The following HTRA3 variants were observed in gnomAD, a reference collection of about 807,000 sequenced individuals.
The protein encoded by HTRA3 is HtrA serine peptidase 3.
HTRA3 carries 41 observed loss-of-function variants against 43.2 expected under a neutral mutation model. That is an observed-to-expected ratio of 0.95 (90% CI 0.74 to 1.23). The LOEUF is 1.23. Ranked by LOEUF, HTRA3 falls within the 50% of genes most tolerant of loss-of-function variation. The pLI is 0.00. For synonymous variants in HTRA3, 295 were observed against 287.9 expected (o/e 1.02, Z -0.25); for missense variants, 628 against 647.1 (o/e 0.97, Z 0.32).
intron 2 of HTRA3, among the ~76,000 whole-genome samples, chr4:8,283,870 C>G (rs1393971223): frequency 1.3e-5 from 2 of 152,156 alleles, no homozygotes; most frequent in Non-Finnish European, 2.9e-5. Flanking sequence ...TGGGGAGATC[C>G]CAGGAGTGAT....
rs145157596 is a variant in HTRA3, at chr4:8,297,740, C to A, written c.1051+3539C>A. 5.1e-3 allele frequency among the ~76,000 whole-genome samples: 779 copies of A among 152,204 alleles called. 5 individuals are homozygous for A. The highest frequency in any genetic ancestry group is 0.018 in the African/African-American group (737 of 41,532). Reference sequence around the variant, plus strand: ...CAGGTCCTGTCGAGGATCCCACCCCCTGGATTTAGAAGCCACCTAGAGAGT... The same window carrying A: ...CAGGTCCTGTCGAGGATCCCACCCCATGGATTTAGAAGCCACCTAGAGAGT... On this transcript the variant is annotated intron_variant, in intron 6 of 8. Coordinates refer to ENST00000307358, the MANE Select transcript of HTRA3 (RefSeq NM_053044.5). The surrounding 1 kb of genome is among the most constrained non-coding windows in gnomAD (Gnocchi z 5.8).
At chr4:8,278,067 CG>C in intron 1 of HTRA3, among the ~76,000 whole-genome samples, 1 of 152,306 alleles carries the variant, frequency 6.6e-6, no homozygotes, top group East Asian at 1.9e-4. Context: ...CCTGGAGTTA[CG>C]CAGTGTACAA....
intron 6 of HTRA3, among the ~76,000 whole-genome samples, chr4:8,300,914 CTTTA>C (rs368331473): frequency 5.1e-4 from 77 of 151,522 alleles, no homozygotes; most frequent in African/African-American, 1.8e-3. Context: ...ACACTCTCAG[CTTTA>C]TTATTGATCC....
chr4:8,306,087 G>A lies in HTRA3; in HGVS notation c.1313G>A (p.Arg438Gln), dbSNP rs369124292. 2.3e-5 allele frequency: 37 copies of A among 1,609,048 alleles called. No individual in the cohort carries two copies. In the African/African-American group the frequency reaches 2.4e-4, roughly 10 times the overall value. The change falls in exon 9 of 9, where the codon CGG (arginine) becomes CAG (glutamine). Residue 438 changes from arginine (R) to glutamine (Q), a missense_variant. By Grantham distance (43) the Arg-to-Gln change is conservative (BLOSUM62 1). Transcript: ENST00000307358. The surrounding 1 kb of genome is among the most constrained non-coding windows in gnomAD (Gnocchi z 8.9). ...TCTCCTCTCCTACTGGAGGTGCGGC[G>A]GGGGAACGACGACCTCCTCTTCAGC... is the stretch of plus-strand genomic sequence containing the variant. The part of the protein sequence containing the change: ...TESPLLLEVR[R>Q]GNDDLLFSIA...
chr4:8,286,808 G>A lies in HTRA3; in HGVS notation c.708+25G>A, dbSNP rs757846872. ...GGTGGGTGGGCGTGGGTGGAGGGGC[G>A]GAAGCACCTGGGGCTGGGCATGGTG... On this transcript the variant is annotated intron_variant, in intron 3 of 8. Transcript: ENST00000307358. The surrounding 1 kb of genome is among the most constrained non-coding windows in gnomAD (Gnocchi z 4.9). The A allele has an allele frequency of 1.3e-5, 20 of 1,557,122 alleles. No homozygotes were observed. The highest frequency in any genetic ancestry group is 1.7e-5 in the Non-Finnish European group (19 of 1,133,012).
intron 6 of HTRA3, among the ~76,000 whole-genome samples, chr4:8,299,921 C>T (rs894832473): frequency 6.7e-6 from 1 of 150,316 alleles, no homozygotes; most frequent in Non-Finnish European, 1.5e-5. Context: ...CTCCCTGCAA[C>T]CTCTACCTCC....
In HTRA3 at chr4:8,286,973, C is replaced by T. The variant is rs1713012261; in HGVS notation, c.708+190C>T. Among the ~76,000 whole-genome samples, 2 of 152,286 alleles carry T rather than the reference C, an allele frequency of 1.3e-5. No homozygotes were observed. Among genetic ancestry groups the T allele is most frequent in the East Asian group, 1.9e-4 (1 of 5,186 alleles). On this transcript the variant is annotated intron_variant, in intron 3 of 8. Transcript: ENST00000307358. The surrounding 1 kb of genome is among the most constrained non-coding windows in gnomAD (Gnocchi z 4.9). ...AAGACCTAGAACCCAGGTCTTTGGA[C>T]TCCTTGTCCTGCGCTCCCTGAGCCG...
At chr4:8,302,562 A>T (rs1280044753) in intron 7 of HTRA3, 51 bp downstream of exon 7, 1 of 1,564,664 alleles carries the variant, frequency 6.4e-7, no homozygotes, top group Middle Eastern at 1.7e-4. Context: ...CTCATCCCTC[A>T]CCCTGACCCT....
intron 6 of HTRA3, among the ~76,000 whole-genome samples, chr4:8,301,368 T>G (rs2153007184): frequency 6.6e-6 from 1 of 152,276 alleles, no homozygotes; most frequent in Non-Finnish European, 1.5e-5. Context: ...CACACTCAGC[T>G]TTATTATTGA....
At chr4:8,289,375 C>T (rs7683388) in intron 3 of HTRA3, among the ~76,000 whole-genome samples, 58,375 of 152,194 alleles carry the variant, frequency 0.38, 11,764 homozygotes, top group East Asian at 0.69. Context: ...GGTGTGGCTG[C>T]GTTCCAGTGA....
At chr4:8,271,120 G>T (rs1468266782) in intron 1 of HTRA3, among the ~76,000 whole-genome samples, 2 of 152,182 alleles carry the variant, frequency 1.3e-5, no homozygotes, top group African/African-American at 2.4e-5. Context: ...CTTGCAGGTG[G>T]CAGGGAGAGA....
chr4:8,271,727 G>T (rs544524240), intron 1 of HTRA3, among the ~76,000 whole-genome samples: 1 of 140,646 alleles, frequency 7.1e-6, no homozygotes, highest in Admixed American at 6.9e-5. Context: ...GTGCAGGCAG[G>T]GACAAGGCCG....
At chr4:8,303,357 C>G (rs1344187494) in intron 7 of HTRA3, among the ~76,000 whole-genome samples, 1 of 152,216 alleles carries the variant, frequency 6.6e-6, no homozygotes, top group Non-Finnish European at 1.5e-5. Flanking sequence ...TCCACTCTGC[C>G]CCAAAAGCAG....
At chr4:8,283,587 C>G (rs1436913206) in intron 2 of HTRA3, among the ~76,000 whole-genome samples, 1 of 152,260 alleles carries the variant, frequency 6.6e-6, no homozygotes, top group Admixed American at 6.5e-5. Context: ...CTCCCATCCA[C>G]CTTTGCTGGC....
chr4:8,294,671 T>A (rs1275063859), intron 6 of HTRA3, among the ~76,000 whole-genome samples: 1 of 78,186 alleles, frequency 1.3e-5, no homozygotes, highest in Non-Finnish European at 2.6e-5. Context: ...CATCCATCCA[T>A]CCATCCATCC....
rs112834287 is a variant in HTRA3 at position 8,303,537 on chromosome 4, T to C, written c.1101-647T>C. On this transcript the variant is annotated intron_variant, in intron 7 of 8. Transcript: ENST00000307358. Reference sequence around the variant, plus strand: ...CGGGAGCCTAGGAAGAACTCGAGAATGCTCAAGTGACCATTTCCTCAAAGC... The same window carrying C: ...CGGGAGCCTAGGAAGAACTCGAGAACGCTCAAGTGACCATTTCCTCAAAGC... Among the ~76,000 whole-genome samples, 121 of 152,364 alleles carry C rather than the reference T, an allele frequency of 7.9e-4. 1 individual carries two copies. Among genetic ancestry groups the C allele is most frequent in the African/African-American group, 2.7e-3 (111 of 41,594 alleles).
chr4:8,292,198 A>T, intron 4 of HTRA3, 123 bp from the exon 5 acceptor site: 1 of 791,234 alleles, frequency 1.3e-6, no homozygotes, highest in Non-Finnish European at 2.1e-6. Flanking sequence ...AGGCCTTTCG[A>T]TGCTGCTGAG....
rs1346039770 is a variant in HTRA3, at chr4:8,292,337, G to C, written c.920G>C (p.Gly307Ala). 2 of 1,613,180 alleles carry C rather than the reference G, an allele frequency of 1.2e-6. No individual in the cohort carries two copies. The highest frequency in any genetic ancestry group is 1.7e-6 in the Non-Finnish European group (2 of 1,179,644). Residue 307 changes from glycine to alanine, a missense_variant, in exon 5 of 9, where the codon GGA becomes GCA. Gly to Ala is a moderately conservative substitution (Grantham distance 60). Transcript: ENST00000307358. ...DAIINYGNSG[G>A]PLVNLDGEVI... ...CCCTTGCAGTACGGGAACTCCGGGG[G>C]ACCACTGGTGAACCTGGTAAGTGTC...
intron 3 of HTRA3, among the ~76,000 whole-genome samples, chr4:8,288,206 G>T (rs538352977): frequency 9.3e-4 from 142 of 152,314 alleles, no homozygotes; most frequent in Non-Finnish European, 1.7e-3. Context: ...GAGTCTGGGG[G>T]CATCACCTCC....
Sources: allele counts gnomAD v4.1 joint callset (sites outside exome capture counted in the v4.1 genomes callset), GRCh38; gene constraint gnomAD v4.1.1; non-coding constraint Gnocchi (gnomAD v3.1); transcripts MANE v1.5; gene names NCBI Gene and HGNC (gene_info 2026-07-23, HGNC 2026-07-21).